The following UMODL1 variants were observed in gnomAD, a reference collection of about 807,000 sequenced individuals.
UMODL1 encodes the protein uromodulin-like 1.
UMODL1 carries 128 observed loss-of-function variants against 136.3 expected under a neutral mutation model. The observed-to-expected ratio is 0.94, with a 90% confidence interval of 0.81 to 1.09. The LOEUF (loss-of-function observed/expected upper bound fraction) is 1.09. UMODL1 is among the 50% of genes least tolerant of loss of function. The pLI, the probability that UMODL1 is intolerant of heterozygous loss-of-function variation, is 0.00. For synonymous variants in UMODL1, 721 were observed against 720.0 expected, an observed-to-expected ratio of 1.00 and a Z score of -0.02; for missense variants, 1,766 against 1,725.6, an observed-to-expected ratio of 1.02 and a Z score of -0.41.
intron 15 of UMODL1, chr21:42,120,809 C>T (rs772438621): frequency 5.6e-5 from 17 of 302,794 alleles, no homozygotes; most frequent in African/African-American, 1.9e-4. Flanking sequence ...TGGTTACTCC[C>T]GGGAACTGAA....
chr21:42,094,930 C>G (rs929075479), intron 6 of UMODL1, among the ~76,000 whole-genome samples: 17 of 151,998 alleles, frequency 1.1e-4, no homozygotes, highest in Non-Finnish European at 1.9e-4. Flanking sequence ...TTCTGAGGAC[C>G]AGAAATTTGA....
At chr21:42,075,267 C>T (rs537098027) in intron 1 of UMODL1, among the ~76,000 whole-genome samples, 5 of 151,750 alleles carry the variant, frequency 3.3e-5, no homozygotes, top group South Asian at 4.2e-4. Flanking sequence ...CCATGTTGGC[C>T]GGGCTGGTCT....
intron 10 of UMODL1, 109 bp from the exon 11 acceptor site, chr21:42,110,771 C>T (rs932758663): frequency 8.9e-7 from 1 of 1,117,592 alleles, no homozygotes; most frequent in Non-Finnish European, 1.3e-6. Flanking sequence ...TGGCCAGGTC[C>T]ACTCCGGGAT....
chr21:42,127,630 G>A, intron 19 of UMODL1, 42 bp from the exon 20 acceptor site: 1 of 1,587,890 alleles, frequency 6.3e-7, no homozygotes, highest in Non-Finnish European at 8.6e-7. Context: ...AGGACAGCGG[G>A]GCTCGCTGAC....
intron 17 of UMODL1, among the ~76,000 whole-genome samples, chr21:42,124,730 G>A (rs550217053): frequency 6.6e-6 from 1 of 152,222 alleles, no homozygotes; most frequent in Admixed American, 6.5e-5. Context: ...TCGTTGGCGG[G>A]AACTCTGGGC....
At chr21:42,109,484 T>C in intron 9 of UMODL1, 78 bp from the exon 10 acceptor site, 4 of 1,574,534 alleles carry the variant, frequency 2.5e-6, no homozygotes, top group Non-Finnish European at 1.7e-6. Flanking sequence ...TAGGAAGGAC[T>C]CCTTCCAGCA....
upstream of UMODL1, among the ~76,000 whole-genome samples, chr21:42,067,250 C>T (rs2066190789): frequency 6.6e-6 from 1 of 152,138 alleles, no homozygotes; most frequent in Non-Finnish European, 1.5e-5. Context: ...GGATTACAGG[C>T]ATGAGCCATT....
chr21:42,082,015 G>A (rs1350556086), intron 2 of UMODL1, among the ~76,000 whole-genome samples: 1 of 152,224 alleles, frequency 6.6e-6, no homozygotes, highest in African/African-American at 2.4e-5. Context: ...CATCGGTAGA[G>A]CTGCCTGGAT....
chr21:42,131,076 G>A (rs2067128613), intron 21 of UMODL1, among the ~76,000 whole-genome samples: 1 of 152,146 alleles, frequency 6.6e-6, no homozygotes, highest in Non-Finnish European at 1.5e-5. Flanking sequence ...GCCTCCCAAA[G>A]TGCTAGGATT....
At chr21:42,112,367 C>T (rs1444226019) in intron 12 of UMODL1, among the ~76,000 whole-genome samples, 1 of 151,718 alleles carries the variant, frequency 6.6e-6, no homozygotes, top group Non-Finnish European at 1.5e-5. Context: ...CTGCATTTCC[C>T]CAGCTGTTCT....
intron 6 of UMODL1, among the ~76,000 whole-genome samples, chr21:42,094,485 A>G (rs1340804699): frequency 6.6e-6 from 1 of 152,184 alleles, no homozygotes; most frequent in Non-Finnish European, 1.5e-5. Flanking sequence ...TGGGGCCTGA[A>G]GTTTAGATTA....
At chr21:42,128,838 GGATA>G (rs2123372493) in intron 20 of UMODL1, among the ~76,000 whole-genome samples, 1 of 152,330 alleles carries the variant, frequency 6.6e-6, no homozygotes, top group South Asian at 2.1e-4. Context: ...CCTTTAGGAT[GGATA>G]GATAGTGTAT....
chr21:42,119,032 G>A (rs1019473908), intron 14 of UMODL1, 79 bp from the exon 15 acceptor site: 2 of 1,461,600 alleles, frequency 1.4e-6, no homozygotes, highest in Non-Finnish European at 1.9e-6. Flanking sequence ...TGGGCAGACT[G>A]GCAGGAGGAA....
At chr21:42,078,012 T>C (rs1457501171) in intron 2 of UMODL1, among the ~76,000 whole-genome samples, 17 of 152,170 alleles carry the variant, frequency 1.1e-4, no homozygotes, top group Non-Finnish European at 2.1e-4. Flanking sequence ...TGCGTTTCTG[T>C]TGCCCCGTTC....
At position 42,109,755 on chromosome 21, in the gene UMODL1, G is replaced by A; in HGVS notation, c.1657+56G>A. ...AAGACCCCCTGCCCGAGAATCTGGG[G>A]GTGGGGCAAAGCCCAATTCTCCATA... On this transcript the variant is annotated intron_variant, in intron 10 of 22. Transcript: ENST00000408910. 11 of 1,581,976 alleles carry A rather than the reference G, an allele frequency of 7.0e-6. No homozygotes were observed. The South Asian group carries it at 1.2e-4, about 18-fold the overall frequency.
At chr21:42,088,135 G>A (rs541043697) in intron 4 of UMODL1, among the ~76,000 whole-genome samples, 159 bp from the exon 5 acceptor site, 3 of 152,286 alleles carry the variant, frequency 2.0e-5, no homozygotes, top group Admixed American at 6.5e-5. Context: ...ACTTCTATTG[G>A]GATAGTGATG....
chr21:42,120,301 T>G (rs1414844219), intron 15 of UMODL1, among the ~76,000 whole-genome samples: 1 of 152,276 alleles, frequency 6.6e-6, no homozygotes, highest in Non-Finnish European at 1.5e-5. Flanking sequence ...GCTTTCAAAG[T>G]GGCCATCCAC....
chr21:42,138,826 C>T (rs139965319), intron 22 of UMODL1, among the ~76,000 whole-genome samples: 4,545 of 152,268 alleles, frequency 0.03, 232 homozygotes, highest in African/African-American at 0.1. Flanking sequence ...CCACCCGTCT[C>T]GGCCTCTCAA....
chr21:42,095,334 A>T (rs111280934), intron 6 of UMODL1, among the ~76,000 whole-genome samples: 12 of 152,116 alleles, frequency 7.9e-5, no homozygotes, highest in African/African-American at 2.9e-4. Flanking sequence ...GGCTCAAGCC[A>T]TCCGCCCACT....
Sources: gnomAD v4.1 joint callset for allele counts (sites outside exome capture counted in the v4.1 genomes callset) on GRCh38, gnomAD v4.1.1 for gene constraint, MANE v1.5 for transcripts, NCBI Gene and HGNC (gene_info 2026-07-23, HGNC 2026-07-21) for gene names.